The following MUSK variants were observed in gnomAD, a reference collection of about 807,000 sequenced individuals.
The protein encoded by MUSK is muscle, skeletal receptor tyrosine-protein kinase.
Under a neutral mutation model 88.7 loss-of-function variants are expected in MUSK, and 55 were observed. The ratio of observed to expected loss-of-function variants is 0.62; its 90% CI spans 0.50 to 0.78. The LOEUF is 0.78. MUSK is among the 30% of genes least tolerant of loss of function. The pLI, the probability that MUSK is intolerant of heterozygous loss-of-function variation, is 0.00. For missense variants in MUSK, 1,015 were observed against 1,074.3 expected (o/e 0.94, Z 0.77); for synonymous variants, 387 against 391.9 (o/e 0.99, Z 0.15).
intron 7 of MUSK, among the ~76,000 whole-genome samples, chr9:110,760,724 A>T (rs1378576341): frequency 6.6e-6 from 1 of 152,206 alleles, no homozygotes; most frequent in African/African-American, 2.4e-5. Context: ...CGAACCTAAA[A>T]TCAAAGTTAA....
At chr9:110,760,875 G>A (rs1259057724) in intron 7 of MUSK, among the ~76,000 whole-genome samples, 3 of 152,128 alleles carry the variant, frequency 2.0e-5, no homozygotes, top group Non-Finnish European at 4.4e-5. Context: ...TGTATTTTAA[G>A]AAGATTGACC....
At chr9:110,703,398 TGCAC>T (rs2076556368) in intron 5 of MUSK, among the ~76,000 whole-genome samples, 1 of 151,784 alleles carries the variant, frequency 6.6e-6, no homozygotes. Flanking sequence ...GGCGTGGTGG[TGCAC>T]GCCTGTAGTT....
chr9:110,800,285 G>C, intron 14 of MUSK, 21 bp from the exon 15 acceptor site: 2 of 1,583,506 alleles, frequency 1.3e-6, no homozygotes, highest in South Asian at 2.3e-5. Flanking sequence ...GAGACTAACA[G>C]GGATGGTCTT....
At chr9:110,679,830 A>G (rs2076084566) in intron 1 of MUSK, among the ~76,000 whole-genome samples, 2 of 151,934 alleles carry the variant, frequency 1.3e-5, no homozygotes, top group South Asian at 4.1e-4. Flanking sequence ...TTTATGGCAA[A>G]GAGCTTAGCA....
At position 110,800,821 on chromosome 9, in the gene MUSK, G is replaced by C. The variant is rs551520537; in HGVS notation, c.2443G>C (p.Val815Leu). ...GGCCCATGAGGAGGTCATTTACTAC[G>C]TGCGAGATGGCAACATCCTCTCCTG... Reference protein sequence around the residue: ...GMAHEEVIYYVRDGNILSCPE... With the variant: ...GMAHEEVIYYLRDGNILSCPE... Residue 815 changes from valine (V) to leucine (L), a missense_variant, in exon 15 of 15, where the codon GTG becomes CTG. Coordinates refer to ENST00000374448, the MANE Select transcript of MUSK (RefSeq NM_005592.4). 6.2e-7 allele frequency: 1 copy of C among 1,612,676 alleles called. No homozygotes were observed. The highest frequency in any genetic ancestry group is 1.1e-5 in the South Asian group (1 of 91,036).
rs181098652 is a variant in MUSK, at chr9:110,753,479, G to T, written c.913+5679G>T. 4.7e-5 allele frequency among the ~76,000 whole-genome samples: 7 copies of T among 150,412 alleles called. No homozygotes were observed. The East Asian group carries it at 1.4e-3, about 29-fold the overall frequency. ...AAAAAAAGAGAGAGAGAGAGAGAGAGAAATAAAATACATATTTGTATTTCC... is the reference window on the plus strand; with the variant it reads ...AAAAAAAGAGAGAGAGAGAGAGAGATAAATAAAATACATATTTGTATTTCC... On this transcript the variant is annotated intron_variant, in intron 7 of 14. Coordinates refer to ENST00000374448, the MANE Select transcript of MUSK (RefSeq NM_005592.4).
chr9:110,751,133 G>C (rs2077242056), intron 7 of MUSK, among the ~76,000 whole-genome samples: 2 of 152,134 alleles, frequency 1.3e-5, no homozygotes, highest in Non-Finnish European at 2.9e-5. Context: ...TCATCCCATG[G>C]ACACAATCTT....
chr9:110,675,349 G>A (rs938675359), intron 1 of MUSK, among the ~76,000 whole-genome samples: 4 of 149,850 alleles, frequency 2.7e-5, no homozygotes, highest in African/African-American at 9.9e-5. Context: ...AGCCTCCCGA[G>A]TTGCTGGGAC....
chr9:110,748,540 T>G (rs1392935520), intron 7 of MUSK, among the ~76,000 whole-genome samples: 1 of 152,154 alleles, frequency 6.6e-6, no homozygotes, highest in Non-Finnish European at 1.5e-5. Context: ...TCTGAGAACA[T>G]TTATAGAATT....
chr9:110,699,332 C>T (rs16915263), intron 5 of MUSK, among the ~76,000 whole-genome samples: 12,141 of 152,112 alleles, frequency 0.08, 1,055 homozygotes, highest in East Asian at 0.45. Context: ...AGATGATTTT[C>T]GCACACATTT....
intron 1 of MUSK, among the ~76,000 whole-genome samples, chr9:110,681,094 T>TATATAA (rs2076120870): frequency 1.3e-4 from 2 of 15,998 alleles, no homozygotes; most frequent in Non-Finnish European, 2.3e-4. Context: ...ATAATATATA[T>TATATAA]TATATAATAT....
intron 3 of MUSK, among the ~76,000 whole-genome samples, chr9:110,689,418 A>C (rs921341067): frequency 8.9e-6 from 1 of 112,240 alleles, no homozygotes; most frequent in African/African-American, 3.9e-5. Flanking sequence ...ATATTTATAT[A>C]TAATATATGT....
chr9:110,676,939 C>T (rs1482836655), intron 1 of MUSK, among the ~76,000 whole-genome samples: 1 of 152,168 alleles, frequency 6.6e-6, no homozygotes, highest in African/African-American at 2.4e-5. Context: ...GAAGCTCTCT[C>T]TTCAGCTGCC....
intron 3 of MUSK, among the ~76,000 whole-genome samples, chr9:110,689,443 T>A (rs1250529056): frequency 9.4e-6 from 1 of 106,328 alleles, no homozygotes; most frequent in Non-Finnish European, 1.7e-5. Context: ...AATATTAAAA[T>A]ATGTAAAAAA....
chr9:110,691,111 C>T (rs908973525), intron 3 of MUSK, among the ~76,000 whole-genome samples: 20 of 151,734 alleles, frequency 1.3e-4, no homozygotes, highest in Non-Finnish European at 2.9e-4. Flanking sequence ...GTAATCTGCC[C>T]ACTTTGGCCT....
chr9:110,752,136 A>G (rs1485298025), intron 7 of MUSK, among the ~76,000 whole-genome samples: 1 of 152,038 alleles, frequency 6.6e-6, no homozygotes, highest in Non-Finnish European at 1.5e-5. Context: ...GTGTGTCATG[A>G]GTGTGATTGA....
At chr9:110,710,777 G>A (rs2076658373) in intron 5 of MUSK, among the ~76,000 whole-genome samples, 1 of 151,630 alleles carries the variant, frequency 6.6e-6, no homozygotes, top group Admixed American at 6.6e-5. Context: ...CGGCCTTCGT[G>A]TGTATCCTGA....
At chr9:110,770,661 G>A (rs1215323888) in intron 9 of MUSK, among the ~76,000 whole-genome samples, 1 of 151,158 alleles carries the variant, frequency 6.6e-6, no homozygotes, top group African/African-American at 2.4e-5. Flanking sequence ...ACATTACTGA[G>A]TATTCTCATT....
At chr9:110,769,364 ATTTG>A (rs2077533554) in intron 9 of MUSK, among the ~76,000 whole-genome samples, 1 of 152,154 alleles carries the variant, frequency 6.6e-6, no homozygotes, top group African/African-American at 2.4e-5. Flanking sequence ...GAGTAATATA[ATTTG>A]TTTATTCATC....
Sources: gnomAD v4.1 joint callset for allele counts (sites outside exome capture counted in the v4.1 genomes callset) on GRCh38, gnomAD v4.1.1 for gene constraint, MANE v1.5 for transcripts, NCBI Gene and HGNC (gene_info 2026-07-23, HGNC 2026-07-21) for gene names.